Variants in RANBP2 observed in about 807,000 individuals in gnomAD.
RANBP2 encodes the protein E3 SUMO-protein ligase RanBP2.
In RANBP2, 57 loss-of-function variants were observed where a neutral mutation model predicts 303.6. The ratio of observed to expected loss-of-function variants is 0.19; its 90% CI spans 0.15 to 0.23. The LOEUF (loss-of-function observed/expected upper bound fraction) is 0.23. Among genes scored for constraint, RANBP2 ranks in the 10% least tolerant of loss-of-function variants. The probability of loss-of-function intolerance (pLI) is 1.00; values close to 1 mark genes in which losing one functional copy is unlikely to be tolerated. For missense variants in RANBP2, 3,138 were observed against 3,780.8 expected (o/e 0.83, Z 4.46); for synonymous variants, 1,167 against 1,301.5 (o/e 0.90, Z 2.23).
the RANBP2 span, among the ~76,000 whole-genome samples, chr2:109,370,078 C>T: frequency 6.6e-6 from 1 of 152,100 alleles, no homozygotes; most frequent in Non-Finnish European, 1.5e-5. Flanking sequence ...GGCCTTGGGG[C>T]GTTCCATGAT....
At chr2:108,813,261 A>C in the RANBP2 span, among the ~76,000 whole-genome samples, 2 of 150,376 alleles carry the variant, frequency 1.3e-5, no homozygotes, top group East Asian at 3.9e-4. Context: ...AAAAAAAAAA[A>C]AAAAAAAAAA....
the RANBP2 span, among the ~76,000 whole-genome samples, chr2:109,249,465 T>TCC: frequency 8.0e-6 from 1 of 125,646 alleles, no homozygotes; most frequent in Admixed American, 8.2e-5. Flanking sequence ...CTTTCTCTCT[T>TCC]TCTCTTTCTT....
At chr2:108,966,211 TG>T in the RANBP2 span, among the ~76,000 whole-genome samples, 1 of 152,212 alleles carries the variant, frequency 6.6e-6, no homozygotes. Flanking sequence ...ATTTCAAGAA[TG>T]CAAAGACCTG....
At chr2:108,780,115 C>T (rs759392731) in intron 25 of RANBP2, among the ~76,000 whole-genome samples, 17 of 151,344 alleles carry the variant, frequency 1.1e-4, no homozygotes, top group Non-Finnish European at 1.9e-4. Flanking sequence ...ATCTTTGTAT[C>T]GCTAAGCATA....
chr2:108,832,053 G>A, the RANBP2 span, among the ~76,000 whole-genome samples: 1 of 148,654 alleles, frequency 6.7e-6, no homozygotes, highest in Non-Finnish European at 1.5e-5. Context: ...TTTTTGAAAT[G>A]GAGTCTCACT....
At chr2:109,508,083 A>G in the RANBP2 span, among the ~76,000 whole-genome samples, 1 of 151,986 alleles carries the variant, frequency 6.6e-6, no homozygotes, top group East Asian at 1.9e-4. Context: ...TCCTCAGCAG[A>G]TTTCCCCATC....
At chr2:109,456,258 T>C in the RANBP2 span, among the ~76,000 whole-genome samples, 40 of 152,318 alleles carry the variant, frequency 2.6e-4, no homozygotes, top group African/African-American at 8.7e-4. Context: ...GTCAGCCCCG[T>C]GTGGCTGGGA....
chr2:109,249,821 T>C, the RANBP2 span, among the ~76,000 whole-genome samples: 7 of 149,278 alleles, frequency 4.7e-5, no homozygotes, highest in East Asian at 1.4e-3. Context: ...CGCGCCCGGC[T>C]AATTTTTTGT....
chr2:108,907,449 C>T, the RANBP2 span, among the ~76,000 whole-genome samples: 14 of 152,014 alleles, frequency 9.2e-5, no homozygotes, highest in Non-Finnish European at 1.9e-4. Context: ...AGTTTGAGAG[C>T]AGCCTGGGCA....
the RANBP2 span, among the ~76,000 whole-genome samples, chr2:109,095,053 C>A: frequency 6.6e-6 from 1 of 152,164 alleles, no homozygotes; most frequent in South Asian, 2.1e-4. Context: ...ATCAGATTTG[C>A]TAAATGCTTT....
chr2:108,903,603 T>C, the RANBP2 span, among the ~76,000 whole-genome samples: 1 of 152,102 alleles, frequency 6.6e-6, no homozygotes, highest in Non-Finnish European at 1.5e-5. Context: ...TATACAAATA[T>C]GCCAAACTGA....
At chr2:109,540,295 C>T in the RANBP2 span, among the ~76,000 whole-genome samples, 28 of 152,238 alleles carry the variant, frequency 1.8e-4, 1 homozygote, top group East Asian at 4.8e-3. Flanking sequence ...TTGTTTTCTT[C>T]AAGTCTCCCA....
At chr2:109,486,711 G>T in the RANBP2 span, among the ~76,000 whole-genome samples, 1 of 152,162 alleles carries the variant, frequency 6.6e-6, no homozygotes, top group African/African-American at 2.4e-5. Context: ...TGTGGTTGGC[G>T]CAGGATGTGT....
At chr2:109,064,479 A>AAAC in the RANBP2 span, among the ~76,000 whole-genome samples, 627 of 140,870 alleles carry the variant, frequency 4.5e-3, 13 homozygotes, top group East Asian at 0.018. Context: ...AAACAAAAAC[A>AAAC]AACTGGTAAA....
At chr2:109,731,360 G>A in the RANBP2 span, among the ~76,000 whole-genome samples, 1 of 152,046 alleles carries the variant, frequency 6.6e-6, no homozygotes, top group Non-Finnish European at 1.5e-5. Flanking sequence ...TGGATTCCAT[G>A]TGTCCAATTC....
At chr2:109,275,744 G>T in the RANBP2 span, among the ~76,000 whole-genome samples, 3 of 152,250 alleles carry the variant, frequency 2.0e-5, no homozygotes, top group African/African-American at 4.8e-5. Context: ...TCCTCTCCCG[G>T]ACAGCCGCAC....
At chr2:108,990,303 C>T in the RANBP2 span, among the ~76,000 whole-genome samples, 10 of 151,406 alleles carry the variant, frequency 6.6e-5, no homozygotes, top group African/African-American at 9.7e-5. Flanking sequence ...TGGTGGCGGG[C>T]GCCTGTAGTC....
chr2:108,792,056 A>G, the RANBP2 span, among the ~76,000 whole-genome samples: 5 of 152,226 alleles, frequency 3.3e-5, no homozygotes, highest in Non-Finnish European at 7.3e-5. Flanking sequence ...TGAGTAGATG[A>G]TTGTGGTAGT....
the RANBP2 span, among the ~76,000 whole-genome samples, chr2:109,123,324 TTCCTTCCTTCCTTCC>T: frequency 5.4e-4 from 13 of 24,188 alleles, no homozygotes; most frequent in Non-Finnish European, 1.2e-3. Flanking sequence ...CTTTCTTTCC[TTCCTTCCTTCCTTCC>T]TTCCTTCCTT....
Sources: gnomAD v4.1 joint callset for allele counts (sites outside exome capture counted in the v4.1 genomes callset) on GRCh38, gnomAD v4.1.1 for gene constraint, MANE v1.5 for transcripts, NCBI Gene and HGNC (gene_info 2026-07-23, HGNC 2026-07-21) for gene names.